STK3: variants seen among roughly 807,000 people sequenced by gnomAD.
The protein encoded by STK3 is serine/threonine kinase 3, also known as serine/threonine-protein kinase 3.
Under a neutral mutation model 58.0 loss-of-function variants are expected in STK3, and 41 were observed. That is an observed-to-expected ratio of 0.71 (90% CI 0.55 to 0.92). The LOEUF is 0.92. STK3 is among the 40% of genes least tolerant of loss of function. The pLI is 0.00. For missense variants in STK3, 479 were observed against 602.7 expected (o/e 0.79, Z 2.15); for synonymous variants, 170 against 191.0 (o/e 0.89, Z 0.91).
chr8:98,642,350 A>G (rs1206744288), intron 6 of STK3, among the ~76,000 whole-genome samples: 1 of 145,960 alleles, frequency 6.9e-6, no homozygotes, highest in Non-Finnish European at 1.5e-5. Flanking sequence ...AATATTAATA[A>G]TTATCCTTAC....
At chr8:98,586,132 T>G (rs544728009) in intron 7 of STK3, among the ~76,000 whole-genome samples, 1 of 151,990 alleles carries the variant, frequency 6.6e-6, no homozygotes, top group Non-Finnish European at 1.5e-5. Context: ...TCCAACACTA[T>G]GTTGAATAGG....
intron 6 of STK3, among the ~76,000 whole-genome samples, chr8:98,704,297 G>C (rs1450238634): frequency 6.6e-6 from 1 of 152,026 alleles, no homozygotes; most frequent in Non-Finnish European, 1.5e-5. Flanking sequence ...TCCAATACTT[G>C]CAGTTCAATA....
chr8:98,481,046 C>T (rs921225924), intron 10 of STK3, among the ~76,000 whole-genome samples: 1 of 152,128 alleles, frequency 6.6e-6, no homozygotes, highest in South Asian at 2.1e-4. Flanking sequence ...CTCTTTCCTT[C>T]ACATTTTGAT....
intron 3 of STK3, among the ~76,000 whole-genome samples, chr8:98,420,025 A>G (rs1001466663): frequency 1.3e-5 from 2 of 152,222 alleles, no homozygotes; most frequent in African/African-American, 4.8e-5. Flanking sequence ...CAACTGGACC[A>G]TAACACAAGC....
downstream of STK3, among the ~76,000 whole-genome samples, chr8:98,401,205 G>C (rs1446683333): frequency 1.3e-5 from 2 of 152,096 alleles, no homozygotes; most frequent in African/African-American, 4.8e-5. Flanking sequence ...GAAATCGCAA[G>C]AAGCCCCAGG....
chr8:98,915,925 G>T (rs1839330162), intron 1 of STK3, among the ~76,000 whole-genome samples: 1 of 152,050 alleles, frequency 6.6e-6, no homozygotes, highest in African/African-American at 2.4e-5. Flanking sequence ...AACTATGAAA[G>T]GCAGAAGAAA....
chr8:98,825,605 G>A lies in STK3; in HGVS notation c.-65C>T, dbSNP rs1835213578. On this transcript the variant is annotated 5_prime_UTR_variant, in exon 1 of 11. Transcript: ENST00000419617. ...AGGCCGAAAGGAGGAAAGGAGCCGG[G>A]GCACCGGCCGGCCGAGCCTAGGGCA... The A allele has an allele frequency of 1.7e-5, 23 of 1,368,842 alleles. No homozygotes were observed. Among genetic ancestry groups the A allele is most frequent in the Middle Eastern group, 2.2e-4 (1 of 4,620 alleles). The allele number at this position is 1,368,842 out of a possible 1,614,324, so 84.8% of individuals were successfully genotyped here. A position where few individuals can be genotyped will look rare whatever the true frequency, so the allele number is the denominator to read the frequency against.
intron 3 of STK3, among the ~76,000 whole-genome samples, chr8:98,421,734 C>T (rs1818175995): frequency 6.6e-6 from 1 of 152,084 alleles, no homozygotes; most frequent in Admixed American, 6.5e-5. Flanking sequence ...CAAGATCGCA[C>T]CACTGCACTA....
At chr8:98,893,856 A>T (rs1178902885) in intron 1 of STK3, among the ~76,000 whole-genome samples, 1 of 152,244 alleles carries the variant, frequency 6.6e-6, no homozygotes, top group Non-Finnish European at 1.5e-5. Flanking sequence ...CAATTTGACC[A>T]AACTTATCTA....
chr8:98,462,226 C>T (rs754556901), intron 10 of STK3, among the ~76,000 whole-genome samples: 3 of 152,050 alleles, frequency 2.0e-5, no homozygotes, highest in Non-Finnish European at 2.9e-5. Flanking sequence ...TACTCTGTCA[C>T]GCAAGCTGGA....
rs1825034714 is a variant in STK3, at chr8:98,697,213, T to A, written c.684+9254A>T. Among the ~76,000 whole-genome samples the A allele has an allele frequency of 2.0e-5, 3 of 152,236 alleles. No individual in the cohort carries two copies. The South Asian group carries it at 6.2e-4, about 32-fold the overall frequency. ...GGGATTGGTGGTGATTTCACCTTTA[T>A]CATTTTTTATTGTGTCTATTTGATT... On this transcript the variant is annotated intron_variant, in intron 6 of 10. Coordinates refer to ENST00000419617, the MANE Select transcript of STK3 (RefSeq NM_006281.4).
chr8:98,665,512 A>G (rs1822273989), intron 6 of STK3, among the ~76,000 whole-genome samples: 1 of 151,884 alleles, frequency 6.6e-6, no homozygotes, highest in South Asian at 2.1e-4. Context: ...ATCCTCCCAC[A>G]TCAGCCTCCG....
At chr8:98,839,200 C>G (rs904633315) in intron 3 of STK3, among the ~76,000 whole-genome samples, 3 of 152,020 alleles carry the variant, frequency 2.0e-5, no homozygotes, top group Admixed American at 6.6e-5. Context: ...GTGTGCATCA[C>G]TAGGCCTGAC....
intron 6 of STK3, among the ~76,000 whole-genome samples, chr8:98,626,076 GA>G: frequency 6.6e-6 from 1 of 152,136 alleles, no homozygotes. Flanking sequence ...AGGAGGTGGG[GA>G]AAAAGGAGGC....
intron 4 of STK3, among the ~76,000 whole-genome samples, chr8:98,707,602 G>A (rs1212693934): frequency 1.3e-5 from 2 of 151,886 alleles, no homozygotes; most frequent in East Asian, 1.9e-4. Context: ...TGGGGATCTC[G>A]CTATGTTGCC....
intron 1 of STK3, among the ~76,000 whole-genome samples, chr8:98,801,548 A>G (rs1833547957): frequency 6.6e-6 from 1 of 151,120 alleles, no homozygotes; most frequent in South Asian, 2.1e-4. Context: ...GGAATGAACA[A>G]CTCCAGACAC....
chr8:98,621,470 C>T (rs1460312553), intron 6 of STK3, among the ~76,000 whole-genome samples: 3 of 152,070 alleles, frequency 2.0e-5, no homozygotes, highest in Non-Finnish European at 2.9e-5. Flanking sequence ...AACATCGTTC[C>T]TGTTCCCAAC....
At chr8:98,539,792 C>A (rs779994952) in intron 9 of STK3, among the ~76,000 whole-genome samples, 1 of 152,094 alleles carries the variant, frequency 6.6e-6, no homozygotes, top group Non-Finnish European at 1.5e-5. Flanking sequence ...CTTGCTCTGT[C>A]GCCCAGGCTG....
chr8:98,773,958 A>T (rs974975713), intron 2 of STK3, among the ~76,000 whole-genome samples: 2 of 152,020 alleles, frequency 1.3e-5, no homozygotes, highest in South Asian at 4.2e-4. Context: ...TACCACGCCC[A>T]GCTAATTTAG....
Sources: gnomAD v4.1 joint callset for allele counts (sites outside exome capture counted in the v4.1 genomes callset) on GRCh38, gnomAD v4.1.1 for gene constraint, MANE v1.5 for transcripts, NCBI Gene and HGNC (gene_info 2026-07-23, HGNC 2026-07-21) for gene names.